Variants in CHRNB4 observed in about 807,000 individuals in gnomAD.
CHRNB4 encodes neuronal acetylcholine receptor subunit beta-4.
CHRNB4 carries 23 observed loss-of-function variants against 40.4 expected under a neutral mutation model. The observed-to-expected ratio is 0.57, with a 90% CI of 0.41 to 0.81. The LOEUF is 0.81. Among genes scored for constraint, CHRNB4 ranks in the 30% least tolerant of loss-of-function variants. The pLI, the probability that CHRNB4 is intolerant of heterozygous loss-of-function variation, is 0.00. For synonymous variants in CHRNB4, 285 were observed against 274.4 expected (o/e 1.04, Z -0.38); for missense variants, 568 against 670.6 (o/e 0.85, Z 1.69).
intron 6 of CHRNB4, among the ~76,000 whole-genome samples, chr15:78,649,890 C>G (rs765349340): frequency 1.1e-4 from 17 of 152,080 alleles, no homozygotes; most frequent in Non-Finnish European, 2.2e-4. Flanking sequence ...AAAAGAAGGT[C>G]TGAAGCAAAT....
intron 1 of CHRNB4, among the ~76,000 whole-genome samples, chr15:78,640,052 T>C (rs796487704): frequency 3.0e-4 from 45 of 152,342 alleles, no homozygotes; most frequent in African/African-American, 1.0e-3. Flanking sequence ...TTCCATTTTT[T>C]CAATGTAAAT....
In CHRNB4 at chr15:78,624,670, G is replaced by A. The variant is rs2053609582; in HGVS notation, c.*463C>T. On this transcript the variant is annotated 3_prime_UTR_variant, in exon 6 of 6. Transcript: ENST00000261751. ...AGGCAGGAGAATCACTTGAGCCTGG[G>A]CGATATAGCAAGACTCCGTTTAAAA... 1.0e-5 allele frequency: 3 copies of A among 288,456 alleles called. No individual in the cohort carries two copies. The highest frequency in any genetic ancestry group is 1.9e-5 in the Non-Finnish European group (3 of 156,012). The allele number at this position is 288,456 out of a possible 1,614,324, so 17.9% of individuals were successfully genotyped here.
At chr15:78,626,377 TGTGTGTG>T (rs759038078) in intron 5 of CHRNB4, 5,602 of 91,484 alleles carry the variant, frequency 0.061, 122 homozygotes, top group Non-Finnish European at 0.087. Context: ...TGTGTGTGTG[TGTGTGTG>T]TTTCCCCCTT....
chr15:78,635,644 GC>G, intron 1 of CHRNB4, 57 bp from the exon 2 acceptor site: 1 of 1,602,084 alleles, frequency 6.2e-7, no homozygotes, highest in Non-Finnish European at 8.5e-7. Flanking sequence ...CCCCACTGCA[GC>G]CTGTGGCAGC....
chr15:78,632,251 CTCTCTT>C (rs2053845959), intron 2 of CHRNB4, among the ~76,000 whole-genome samples: 2 of 87,286 alleles, frequency 2.3e-5, no homozygotes, highest in African/African-American at 1.6e-4. Context: ...CTCTCTCTCT[CTCTCTT>C]TCTTTCTTTC....
chr15:78,631,445 C>A (rs2053809657), intron 2 of CHRNB4, 113 bp from the exon 3 acceptor site: 2 of 944,696 alleles, frequency 2.1e-6, no homozygotes, highest in Admixed American at 2.1e-5. Flanking sequence ...CAACTGCCAC[C>A]CCAACATCTC....
intron 2 of CHRNB4, among the ~76,000 whole-genome samples, chr15:78,657,848 G>A (rs2054226647): frequency 1.0e-5 from 1 of 96,646 alleles, no homozygotes; most frequent in Non-Finnish European, 3.4e-5. Context: ...CACCGCGCCT[G>A]GCTGAGGCAT....
rs2053842255 is a variant in CHRNB4 at position 78,632,222 on chromosome 15, TCTCTCTCTCTCTCTCTCTCTCTCTCTC to T, written c.205-917_205-891del. Among the ~76,000 whole-genome samples the T allele has an allele frequency of 2.1e-3, 188 of 88,906 alleles. 3 individuals carry two copies. The highest frequency in any genetic ancestry group is 8.6e-3 in the African/African-American group (120 of 14,008). The allele number at this position is 88,906 out of a possible 152,430, so 58.3% of individuals were successfully genotyped here. On this transcript the variant is annotated intron_variant, in intron 2 of 5. Coordinates refer to ENST00000261751, the MANE Select transcript of CHRNB4 (RefSeq NM_000750.5). The stretch of plus-strand genomic sequence containing the variant: ...CTTTCTTTCTTTCTTTCTCTTTCTC[TCTCTCTCTCTCTCTCTCTCTCTCTCTC>T]TCTCTCTTTCTTTCTTTCTTTCTTT...
upstream of CHRNB4, among the ~76,000 whole-genome samples, chr15:78,644,868 T>C (rs571125703): frequency 2.0e-4 from 31 of 152,324 alleles, no homozygotes; most frequent in African/African-American, 7.0e-4. Context: ...GCCCTCTCCA[T>C]ACCCCTTGGC....
chr15:78,638,357 C>T (rs1267559328), intron 1 of CHRNB4, among the ~76,000 whole-genome samples: 1 of 152,244 alleles, frequency 6.6e-6, no homozygotes, highest in African/African-American at 2.4e-5. Flanking sequence ...AACTTTAGAC[C>T]ATTTAGCCCA....
intron 2 of CHRNB4, among the ~76,000 whole-genome samples, chr15:78,632,909 C>T (rs566683273): frequency 3.0e-4 from 46 of 152,302 alleles, no homozygotes; most frequent in African/African-American, 8.2e-4. Context: ...CTTCTTCGTA[C>T]GCAGCCCAAA....
At chr15:78,654,001 C>T (rs1473021313) in intron 5 of CHRNB4, among the ~76,000 whole-genome samples, 3 of 152,188 alleles carry the variant, frequency 2.0e-5, no homozygotes, top group African/African-American at 7.2e-5. Context: ...AGCTCAATGG[C>T]TTCAAGGACT....
chr15:78,647,688 T>TA (rs752332129), intron 7 of CHRNB4, among the ~76,000 whole-genome samples: 19,693 of 60,340 alleles, frequency 0.33, 3,011 homozygotes, highest in African/African-American at 0.48. Context: ...CTACTAAAAA[T>TA]CCAAAAAAAA....
chr15:78,661,139 C>G, upstream of CHRNB4: 1 of 622,570 alleles, frequency 1.6e-6, no homozygotes, highest in Non-Finnish European at 3.1e-6. Flanking sequence ...TGCGGCGTTC[C>G]TGGGGCCTTG....
chr15:78,656,509 TAAGTA>T (rs746198286), exon 4 of CHRNB4: 4 of 151,530 alleles, frequency 2.6e-5, no homozygotes, highest in South Asian at 2.1e-4. Flanking sequence ...TTTGTGCAAG[TAAGTA>T]AATAAAAATC....
At chr15:78,651,725 A>C (rs73467215) in intron 6 of CHRNB4, among the ~76,000 whole-genome samples, 5,547 of 152,302 alleles carry the variant, frequency 0.036, 326 homozygotes, top group African/African-American at 0.13. Flanking sequence ...CACTTCCATC[A>C]AGGAGGGTGT....
chr15:78,626,339 GGGGTGTGTGTGTGTGTGTGT>G (rs1396157131), intron 5 of CHRNB4: 1 of 100,898 alleles, frequency 9.9e-6, no homozygotes, highest in African/African-American at 3.7e-5. Flanking sequence ...ATTTCAAGCG[GGGGTGTGTGTGTGTGTGTGT>G]GTGTGTGTGT....
chr15:78,642,198 G>C (rs1191172609), upstream of CHRNB4, among the ~76,000 whole-genome samples: 1 of 152,188 alleles, frequency 6.6e-6, no homozygotes, highest in African/African-American at 2.4e-5. Context: ...GTTGACATAT[G>C]GTCTTTAAAA....
intron 1 of CHRNB4, among the ~76,000 whole-genome samples, chr15:78,640,520 G>A (rs1339370664): frequency 1.3e-5 from 2 of 152,262 alleles, no homozygotes; most frequent in Non-Finnish European, 2.9e-5. Context: ...CAGGGCTGCT[G>A]ATTTGGGCAA....
Sources: gnomAD v4.1 joint callset for allele counts (sites outside exome capture counted in the v4.1 genomes callset) on GRCh38, gnomAD v4.1.1 for gene constraint, MANE v1.5 for transcripts, NCBI Gene and HGNC (gene_info 2026-07-23, HGNC 2026-07-21) for gene names.